SH3BGRL2: variants seen among roughly 807,000 people sequenced by gnomAD.
The protein encoded by SH3BGRL2 is SH3 domain binding glutamate rich protein like 2.
Under a neutral mutation model 14.8 loss-of-function variants are expected in SH3BGRL2, and 21 were observed. The observed-to-expected ratio is 1.42, with a 90% CI of 1.01 to 2.05. The LOEUF (loss-of-function observed/expected upper bound fraction) is 2.05, where lower values mean the gene tolerates loss of function less well. Among genes scored for constraint, SH3BGRL2 ranks in the 30% most tolerant of loss-of-function variants. The pLI is 0.00. For missense variants in SH3BGRL2, 147 were observed against 130.8 expected (o/e 1.12, Z -0.61); for synonymous variants, 50 against 47.8 (o/e 1.05, Z -0.19).
chr6:79,555,343 A>G, the SH3BGRL2 span, among the ~76,000 whole-genome samples: 1 of 151,960 alleles, frequency 6.6e-6, no homozygotes, highest in South Asian at 2.1e-4. Flanking sequence ...CCAGCTACTC[A>G]GGAGGCTGAG....
the SH3BGRL2 span, among the ~76,000 whole-genome samples, chr6:79,568,692 A>G: frequency 6.6e-6 from 1 of 152,178 alleles, no homozygotes; most frequent in Non-Finnish European, 1.5e-5. Flanking sequence ...CTTCAAAAAT[A>G]TGTTAAGAGT....
the SH3BGRL2 span, among the ~76,000 whole-genome samples, chr6:79,587,547 T>G: frequency 1.2e-4 from 18 of 152,342 alleles, no homozygotes; most frequent in African/African-American, 3.6e-4. Flanking sequence ...TAGAACAATT[T>G]ACCCTGCCAA....
chr6:79,587,374 T>G, the SH3BGRL2 span, among the ~76,000 whole-genome samples: 12 of 152,146 alleles, frequency 7.9e-5, no homozygotes. Flanking sequence ...CTGAAGCTGT[T>G]ACTCCAGTGG....
At chr6:79,590,035 A>C in the SH3BGRL2 span, among the ~76,000 whole-genome samples, 1 of 152,110 alleles carries the variant, frequency 6.6e-6, no homozygotes, top group African/African-American at 2.4e-5. Flanking sequence ...AGCTTCCCAA[A>C]GTTCTGGGAT....
intron 1 of SH3BGRL2, among the ~76,000 whole-genome samples, chr6:79,660,828 G>A (rs1445595238): frequency 6.6e-6 from 1 of 152,130 alleles, no homozygotes; most frequent in Non-Finnish European, 1.5e-5. Flanking sequence ...CCTGTTATTG[G>A]TCTATTCAGA....
the SH3BGRL2 span, among the ~76,000 whole-genome samples, chr6:79,595,024 G>A: frequency 6.6e-6 from 1 of 152,126 alleles, no homozygotes; most frequent in South Asian, 2.1e-4. Flanking sequence ...GGTGGCTCAC[G>A]CCTGTAATTC....
intron 1 of SH3BGRL2, among the ~76,000 whole-genome samples, chr6:79,640,648 T>C (rs1769012487): frequency 6.6e-6 from 1 of 152,032 alleles, no homozygotes; most frequent in South Asian, 2.1e-4. Flanking sequence ...AGCTGACCCC[T>C]GAAGTGGAAG....
chr6:79,609,581 C>T, the SH3BGRL2 span, among the ~76,000 whole-genome samples: 1 of 152,128 alleles, frequency 6.6e-6, no homozygotes, highest in African/African-American at 2.4e-5. Context: ...ACAGAACTAT[C>T]CGAGTTCTGT....
chr6:79,625,774 C>T, the SH3BGRL2 span, among the ~76,000 whole-genome samples: 1 of 152,206 alleles, frequency 6.6e-6, no homozygotes, highest in Non-Finnish European at 1.5e-5. Context: ...TTAAGCCTTG[C>T]AACAGCCAGG....
intron 3 of SH3BGRL2, 64 bp downstream of exon 3, chr6:79,696,629 T>C (rs1770337736): frequency 8.1e-7 from 1 of 1,237,398 alleles, no homozygotes; most frequent in Admixed American, 2.6e-5. Context: ...CTTAGAGATG[T>C]AGAGTGACGG....
At chr6:79,615,213 C>T in the SH3BGRL2 span, among the ~76,000 whole-genome samples, 1 of 152,124 alleles carries the variant, frequency 6.6e-6, no homozygotes, top group Non-Finnish European at 1.5e-5. Flanking sequence ...TTGGGAGACT[C>T]ACAAAAGATC....
At chr6:79,553,697 T>C in the SH3BGRL2 span, among the ~76,000 whole-genome samples, 1 of 152,014 alleles carries the variant, frequency 6.6e-6, no homozygotes. Context: ...CTGGGCCAGG[T>C]GTGGTGGCTC....
At chr6:79,540,662 G>A in the SH3BGRL2 span, among the ~76,000 whole-genome samples, 2 of 152,010 alleles carry the variant, frequency 1.3e-5, no homozygotes, top group African/African-American at 4.8e-5. Context: ...AAGAAAACTT[G>A]AGATGTTTGT....
the SH3BGRL2 span, among the ~76,000 whole-genome samples, chr6:79,547,590 G>T: frequency 6.6e-6 from 1 of 152,122 alleles, no homozygotes; most frequent in South Asian, 2.1e-4. Flanking sequence ...GCCAGAGACT[G>T]CTCCCCAACA....
At chr6:79,656,799 G>T (rs1242264167) in intron 1 of SH3BGRL2, among the ~76,000 whole-genome samples, 7 of 152,084 alleles carry the variant, frequency 4.6e-5, no homozygotes, top group Non-Finnish European at 7.4e-5. Flanking sequence ...CTTGGATTTT[G>T]GTATGGGGGT....
chr6:79,695,426 G>T (rs564830322), intron 2 of SH3BGRL2, among the ~76,000 whole-genome samples: 1 of 152,180 alleles, frequency 6.6e-6, no homozygotes, highest in African/African-American at 2.4e-5. Context: ...TGCAGGAAGC[G>T]AATCTCTACA....
chr6:79,549,753 T>C, the SH3BGRL2 span, among the ~76,000 whole-genome samples: 10 of 152,156 alleles, frequency 6.6e-5, no homozygotes, highest in African/African-American at 2.4e-4. Context: ...TAACAGTGAG[T>C]TAATAGATAC....
intron 1 of SH3BGRL2, among the ~76,000 whole-genome samples, chr6:79,637,545 T>C (rs1404834598): frequency 6.6e-6 from 1 of 152,004 alleles, no homozygotes; most frequent in Non-Finnish European, 1.5e-5. Flanking sequence ...ATACAAAAAT[T>C]AGCCTGGTAT....
chr6:79,680,667 AT>A (rs1164495283), intron 2 of SH3BGRL2, among the ~76,000 whole-genome samples: 1 of 152,050 alleles, frequency 6.6e-6, no homozygotes, highest in Non-Finnish European at 1.5e-5. Context: ...TGCTTTGGGT[AT>A]TATTGACATC....
Sources: gnomAD v4.1 joint callset for allele counts (sites outside exome capture counted in the v4.1 genomes callset) on GRCh38, gnomAD v4.1.1 for gene constraint, MANE v1.5 for transcripts, NCBI Gene and HGNC (gene_info 2026-07-23, HGNC 2026-07-21) for gene names.